The following RBFOX3 variants were observed in gnomAD, a reference collection of about 807,000 sequenced individuals.
RBFOX3 encodes the protein RNA binding protein fox-1 homolog 3.
A neutral mutation model predicts 48.7 loss-of-function variants in RBFOX3; 17 were observed. That is an observed-to-expected ratio of 0.35 (90% CI 0.24 to 0.52). RBFOX3 has a LOEUF of 0.52. RBFOX3 is among the 20% of genes least tolerant of loss of function. The probability of loss-of-function intolerance (pLI) is 0.94; values close to 1 mark genes in which losing one functional copy is unlikely to be tolerated. For missense variants in RBFOX3, 382 were observed against 497.5 expected (o/e 0.77, Z 2.21); for synonymous variants, 212 against 209.5 (o/e 1.01, Z -0.10).
At chr17:79,469,156 T>C (rs1598833373) in intron 2 of RBFOX3, among the ~76,000 whole-genome samples, 3 of 152,146 alleles carry the variant, frequency 2.0e-5, no homozygotes, top group East Asian at 3.9e-4. Context: ...AAAACCCCTA[T>C]ATTTTCCCCT....
chr17:79,130,812 T>A (rs764523058), intron 4 of RBFOX3, among the ~76,000 whole-genome samples: 1 of 152,260 alleles, frequency 6.6e-6, no homozygotes, highest in Non-Finnish European at 1.5e-5. Flanking sequence ...GGGCCTGCCA[T>A]GCTCTAAGCT....
intron 4 of RBFOX3, among the ~76,000 whole-genome samples, chr17:79,179,477 C>G (rs1488344223): frequency 6.6e-6 from 1 of 152,122 alleles, no homozygotes; most frequent in Non-Finnish European, 1.5e-5. Context: ...GAATTCACGA[C>G]GCGTCCCCCA....
At position 79,524,740 on chromosome 17, in the gene RBFOX3, C is replaced by T. The variant is rs1020659039; in HGVS notation, c.-319-42142G>A. Among the ~76,000 whole-genome samples, 9 of 152,294 alleles carry T rather than the reference C, an allele frequency of 5.9e-5. 1 individual carries two copies. The highest frequency in any genetic ancestry group is 2.0e-4 in the Admixed American group (3 of 15,304). On this transcript the variant is annotated intron_variant, in intron 1 of 14. Coordinates refer to ENST00000693108, the MANE Select transcript of RBFOX3 (RefSeq NM_001350451.2). ...CTGCATCTTCCAGCACATGGCTCTG[C>T]CGTGCAGCAGGTTTGTAAATGGAGC...
chr17:79,467,343 G>A (rs2076450949), intron 2 of RBFOX3, among the ~76,000 whole-genome samples: 1 of 152,216 alleles, frequency 6.6e-6, no homozygotes, highest in South Asian at 2.1e-4. Context: ...AAAGAAGTGG[G>A]TGGAGATGAG....
chr17:79,386,238 A>C (rs940548406), intron 2 of RBFOX3, among the ~76,000 whole-genome samples: 2 of 148,578 alleles, frequency 1.3e-5, no homozygotes, highest in Non-Finnish European at 3.0e-5. Context: ...CCTCCATTGC[A>C]GACAGGAACC....
chr17:79,242,332 T>G lies in RBFOX3; in HGVS notation c.-73-6527A>C, dbSNP rs566778241. On this transcript the variant is annotated intron_variant, in intron 3 of 14. Coordinates refer to ENST00000693108, the MANE Select transcript of RBFOX3 (RefSeq NM_001350451.2). The surrounding 1 kb of genome is among the most constrained non-coding windows in gnomAD (Gnocchi z 5.8). Reference sequence around the variant, plus strand: ...TTCAGATTTTATGAAACGATCTGTTTGTGCTCTTTCCCTAAGGGGAGCTGG... The same window carrying G: ...TTCAGATTTTATGAAACGATCTGTTGGTGCTCTTTCCCTAAGGGGAGCTGG... 1.4e-4 allele frequency among the ~76,000 whole-genome samples: 21 copies of G among 152,252 alleles called. No individual in the cohort carries two copies. The highest frequency in any genetic ancestry group is 5.1e-4 in the African/African-American group (21 of 41,538).
chr17:79,170,260 G>A (rs1240906536), intron 4 of RBFOX3, among the ~76,000 whole-genome samples: 2 of 152,134 alleles, frequency 1.3e-5, no homozygotes, highest in African/African-American at 2.4e-5. Flanking sequence ...ACAGGTTAAC[G>A]GTGTCCAGCT....
At chr17:79,526,593 TG>T (rs2086833222) in intron 1 of RBFOX3, among the ~76,000 whole-genome samples, 1 of 151,842 alleles carries the variant, frequency 6.6e-6, no homozygotes, top group African/African-American at 2.4e-5. Flanking sequence ...CAGAGGACGG[TG>T]GGGTTGGCAA....
At chr17:79,328,078 T>C (rs1598277393) in intron 2 of RBFOX3, among the ~76,000 whole-genome samples, 1 of 152,118 alleles carries the variant, frequency 6.6e-6, no homozygotes, top group Non-Finnish European at 1.5e-5. Flanking sequence ...CTGCAGGAGG[T>C]CACACCTGCT....
chr17:79,651,560 G>A, the RBFOX3 span, among the ~76,000 whole-genome samples: 1 of 151,826 alleles, frequency 6.6e-6, no homozygotes, highest in Non-Finnish European at 1.5e-5. Flanking sequence ...TTAAGCTACA[G>A]AAGATGCTGC....
At chr17:79,310,803 A>G (rs1350939381) in intron 2 of RBFOX3, among the ~76,000 whole-genome samples, 8 of 152,042 alleles carry the variant, frequency 5.3e-5, no homozygotes, top group Admixed American at 5.2e-4. Context: ...ACACAGAAAC[A>G]TTGCTGTTTC....
chr17:79,588,893 C>T (rs1272289492), intron 1 of RBFOX3, among the ~76,000 whole-genome samples: 3 of 151,802 alleles, frequency 2.0e-5, no homozygotes, highest in African/African-American at 7.3e-5. Context: ...TGAGCTTGGA[C>T]CTGGGCCATA....
intron 1 of RBFOX3, among the ~76,000 whole-genome samples, chr17:79,511,923 G>T: frequency 7.9e-6 from 1 of 126,004 alleles, no homozygotes; most frequent in Middle Eastern, 5.7e-3. Flanking sequence ...ACACCCACCC[G>T]GATACGTGTT....
In RBFOX3 at chr17:79,246,956, C is replaced by A. The variant is rs542758665; in HGVS notation, c.-73-11151G>T. 3.3e-5 allele frequency among the ~76,000 whole-genome samples: 5 copies of A among 152,278 alleles called. No individual in the cohort carries two copies. In the South Asian group the frequency reaches 1.0e-3, roughly 32 times the overall value. On this transcript the variant is annotated intron_variant, in intron 3 of 14. Transcript: ENST00000693108. ...TCAGCACGCAGGCAGCTGGAGAACG[C>A]CGGCTTCTTAGATGAGCGCGTTTCA...
chr17:79,138,232 C>G (rs550153540), intron 4 of RBFOX3, among the ~76,000 whole-genome samples: 1 of 152,290 alleles, frequency 6.6e-6, no homozygotes, highest in African/African-American at 2.4e-5. Context: ...GTGTGCAACA[C>G]GCACACTCAG....
chr17:79,128,073 G>A (rs2037797294), intron 4 of RBFOX3, among the ~76,000 whole-genome samples: 1 of 152,236 alleles, frequency 6.6e-6, no homozygotes, highest in African/African-American at 2.4e-5. Context: ...GCACAGCAGC[G>A]GGTAGAGTCC....
chr17:79,255,016 G>A (rs114550143), intron 3 of RBFOX3, among the ~76,000 whole-genome samples: 3,562 of 152,242 alleles, frequency 0.023, 130 homozygotes, highest in African/African-American at 0.081. Flanking sequence ...CAGGCAGCTT[G>A]TCCTTGGGAC....
intron 1 of RBFOX3, among the ~76,000 whole-genome samples, chr17:79,513,511 TACCCCCATCCTCCTGTGG>T (rs1212167771): frequency 2.0e-5 from 3 of 152,200 alleles, no homozygotes; most frequent in Non-Finnish European, 4.4e-5. Context: ...GCCCTGACCA[TACCCCCATCCTCCTGTGG>T]ACCCCCATCC....
chr17:79,407,407 G>A (rs1414783898), intron 2 of RBFOX3, among the ~76,000 whole-genome samples: 2 of 152,246 alleles, frequency 1.3e-5, no homozygotes, highest in East Asian at 3.8e-4. Flanking sequence ...CTGTCCTATT[G>A]TTAAAAGAGG....
Sources: allele counts gnomAD v4.1 joint callset (sites outside exome capture counted in the v4.1 genomes callset), GRCh38; gene constraint gnomAD v4.1.1; non-coding constraint Gnocchi (gnomAD v3.1); transcripts MANE v1.5; gene names NCBI Gene and HGNC (gene_info 2026-07-23, HGNC 2026-07-21).